The following STPG1 variants were observed in gnomAD, a reference collection of about 807,000 sequenced individuals.
STPG1 encodes the protein sperm tail PG-rich repeat containing 1.
STPG1 carries 33 observed loss-of-function variants against 40.1 expected under a neutral mutation model. That is an observed-to-expected ratio of 0.82 (90% CI 0.62 to 1.10). The LOEUF (loss-of-function observed/expected upper bound fraction) is 1.10. STPG1 is among the 50% of genes least tolerant of loss of function. The pLI is 0.00. For synonymous variants in STPG1, 150 were observed against 155.0 expected (o/e 0.97, Z 0.24); for missense variants, 396 against 415.1 (o/e 0.95, Z 0.40).
chr1:24,406,256 T>G lies in STPG1; in HGVS notation c.-68-4800A>C, dbSNP rs60562089. Among the ~76,000 whole-genome samples, 870 of 152,270 alleles carry G rather than the reference T, an allele frequency of 5.7e-3. 11 individuals carry two copies. Among genetic ancestry groups the G allele is most frequent in the African/African-American group, 0.019 (805 of 41,570 alleles). The stretch of plus-strand genomic sequence containing the variant: ...GTTTACAGTATACATCTTTAATTTA[T>G]CACAGTCAAACAATAGTATGTTACT... On this transcript the variant is annotated intron_variant, in intron 1 of 8. Transcript: ENST00000337248.
chr1:24,379,374 G>A (rs1176296436), intron 5 of STPG1: 10 of 343,084 alleles, frequency 2.9e-5, no homozygotes, highest in Non-Finnish European at 5.4e-5. Context: ...CTACGTCCCA[G>A]AAAGGTTACA....
intron 6 of STPG1, 129 bp from the exon 7 acceptor site, chr1:24,369,968 G>T (rs1641659407): frequency 2.9e-6 from 2 of 701,472 alleles, no homozygotes; most frequent in Non-Finnish European, 4.5e-6. Context: ...AAGTGGAAGG[G>T]CTGACTGAGA....
At chr1:24,391,394 TAC>T (rs1225415221) in intron 3 of STPG1, 165 bp downstream of exon 3, 1 of 439,594 alleles carries the variant, frequency 2.3e-6, no homozygotes, top group Non-Finnish European at 4.1e-6. Flanking sequence ...GGCTCGTTCT[TAC>T]AGTTAGTCCA....
At position 24,373,695 on chromosome 1, in the gene STPG1, T is replaced by C; in HGVS notation, c.571+7A>G. On this transcript the variant is annotated splice_region_variant and intron_variant, in intron 6 of 8. Coordinates refer to ENST00000337248, the MANE Select transcript of STPG1 (RefSeq NM_001199013.2). Reference sequence around the variant, plus strand: ...TAGGTCAAGGCCAGTGCAAAGCAGCTGCTTACCTGGGGGAGGTCCTTTATC... The same window carrying C: ...TAGGTCAAGGCCAGTGCAAAGCAGCCGCTTACCTGGGGGAGGTCCTTTATC... 1 of 1,599,674 alleles carries C rather than the reference T, an allele frequency of 6.3e-7. No individual in the cohort carries two copies. Among genetic ancestry groups the C allele is most frequent in the South Asian group, 1.1e-5 (1 of 90,762 alleles).
chr1:24,409,187 C>T (rs1429924880), intron 1 of STPG1, among the ~76,000 whole-genome samples: 1 of 152,110 alleles, frequency 6.6e-6, no homozygotes, highest in African/African-American at 2.4e-5. Context: ...TGGTGAAAGT[C>T]CGTCTCTACA....
At chr1:24,362,551 A>G (rs1641191508) in intron 7 of STPG1, among the ~76,000 whole-genome samples, 1 of 152,234 alleles carries the variant, frequency 6.6e-6, no homozygotes, top group African/African-American at 2.4e-5. Context: ...ATGAACAGAG[A>G]AAAGGTATGT....
At chr1:24,402,776 C>CA (rs1375817817) in intron 1 of STPG1, among the ~76,000 whole-genome samples, 9 of 149,842 alleles carry the variant, frequency 6.0e-5, no homozygotes, top group African/African-American at 2.2e-4. Flanking sequence ...AACAAAAAAA[C>CA]AAAAAACCAC....
At chr1:24,371,228 A>T (rs754777404) in intron 6 of STPG1, among the ~76,000 whole-genome samples, 2 of 152,196 alleles carry the variant, frequency 1.3e-5, no homozygotes, top group Non-Finnish European at 2.9e-5. Context: ...GTACTATCAT[A>T]TAAGAATATA....
intron 1 of STPG1, among the ~76,000 whole-genome samples, chr1:24,405,510 G>A (rs2148715101): frequency 6.6e-6 from 1 of 152,112 alleles, no homozygotes; most frequent in Admixed American, 6.5e-5. Flanking sequence ...TTGTTGAATG[G>A]GATTTTTTAT....
chr1:24,393,219 C>T (rs957052654), intron 2 of STPG1, among the ~76,000 whole-genome samples: 4 of 152,146 alleles, frequency 2.6e-5, no homozygotes, highest in East Asian at 1.9e-4. Context: ...TCAATAAACA[C>T]GATGGGGAGA....
intron 2 of STPG1, among the ~76,000 whole-genome samples, chr1:24,395,428 ATTTTTT>A (rs71577706): frequency 7.8e-6 from 1 of 128,076 alleles, no homozygotes; most frequent in Non-Finnish European, 1.6e-5. Context: ...AAATTGAACA[ATTTTTT>A]TTTTTTTTTT....
At chr1:24,403,152 T>C (rs1643290209) in intron 1 of STPG1, among the ~76,000 whole-genome samples, 1 of 152,128 alleles carries the variant, frequency 6.6e-6, no homozygotes, top group African/African-American at 2.4e-5. Context: ...AAGGGTCAGG[T>C]TCATTTTATT....
At chr1:24,366,291 A>G (rs1303325193) in intron 7 of STPG1, among the ~76,000 whole-genome samples, 1 of 152,184 alleles carries the variant, frequency 6.6e-6, no homozygotes, top group Non-Finnish European at 1.5e-5. Context: ...ATGTGGACAA[A>G]GTCCTAAGGG....
Position 24,383,967 on chromosome 1 carries a change from G to A in STPG1, c.226C>T (p.His76Tyr). ...IPGPGFYNVI[H>Y]QSPVSNSVSL... ...ACACTGTTGGACACCGGTGACTGGTGAATAACATTGTAGAACCCAGGTCCT... is the reference window on the plus strand; with the variant it reads ...ACACTGTTGGACACCGGTGACTGGTAAATAACATTGTAGAACCCAGGTCCT... Residue 76 changes from histidine (H) to tyrosine (Y), a missense_variant, in exon 4 of 9, where the codon CAC (histidine) becomes TAC (tyrosine). His to Tyr is a moderately conservative substitution (Grantham distance 83, BLOSUM62 2). Transcript: ENST00000337248. 1.9e-6 allele frequency: 3 copies of A among 1,613,912 alleles called. No homozygotes were observed. Among genetic ancestry groups the A allele is most frequent in the Non-Finnish European group, 2.5e-6 (3 of 1,179,748 alleles).
intron 1 of STPG1, among the ~76,000 whole-genome samples, chr1:24,413,084 T>C (rs1643792707): frequency 1.3e-5 from 2 of 152,350 alleles, no homozygotes; most frequent in East Asian, 3.9e-4. Context: ...TATAAGCATC[T>C]TGGAAGCAGC....
At chr1:24,383,742 G>T in intron 4 of STPG1, 160 bp downstream of exon 4, 1 of 569,654 alleles carries the variant, frequency 1.8e-6, no homozygotes, top group South Asian at 2.0e-5. Flanking sequence ...AGAGACACAG[G>T]GTCCAATTTA....
rs180792556 is a variant in STPG1 at position 24,412,208 on chromosome 1, G to A, written c.-69+1466C>T. Among the ~76,000 whole-genome samples the A allele has an allele frequency of 7.2e-5, 11 of 152,272 alleles. No individual in the cohort carries two copies. The East Asian group carries it at 1.7e-3, about 24-fold the overall frequency. ...CTGCAAGAATTTGAAGGCAGTTGTC[G>A]TGCCCCACCACCTAAAGACTAATCT... On this transcript the variant is annotated intron_variant, in intron 1 of 8. Coordinates refer to ENST00000337248, the MANE Select transcript of STPG1 (RefSeq NM_001199013.2).
At chr1:24,412,946 TTTACA>T (rs2148722052) in intron 1 of STPG1, among the ~76,000 whole-genome samples, 1 of 152,370 alleles carries the variant, frequency 6.6e-6, no homozygotes, top group Non-Finnish European at 1.5e-5. Flanking sequence ...AGTATTACAG[TTTACA>T]TTATACATGT....
chr1:24,410,932 ATGGCC>A (rs1206632460), intron 1 of STPG1: 1 of 152,180 alleles, frequency 6.6e-6, no homozygotes, highest in Non-Finnish European at 1.5e-5. Context: ...GTTCAAGGTT[ATGGCC>A]TGCCACTTAA....
Sources: gnomAD v4.1 joint callset for allele counts (sites outside exome capture counted in the v4.1 genomes callset) on GRCh38, gnomAD v4.1.1 for gene constraint, MANE v1.5 for transcripts, NCBI Gene and HGNC (gene_info 2026-07-23, HGNC 2026-07-21) for gene names.